The following ATP9B variants were observed in gnomAD, a reference collection of about 807,000 sequenced individuals.
ATP9B encodes the protein probable phospholipid-transporting ATPase IIB.
In ATP9B, 110 loss-of-function variants were observed where a neutral mutation model predicts 146.1. That is an observed-to-expected ratio of 0.75 (90% CI 0.65 to 0.88). The LOEUF is 0.88. Ranked by LOEUF, ATP9B falls within the 40% of genes least tolerant of loss-of-function variation. The pLI, the probability that ATP9B is intolerant of heterozygous loss-of-function variation, is 0.00. For synonymous variants in ATP9B, 604 were observed against 569.7 expected (o/e 1.06, Z -0.86); for missense variants, 1,499 against 1,496.4 (o/e 1.00, Z -0.03).
At chr18:79,332,910 T>G (rs1240587614) in intron 17 of ATP9B, 1 of 152,176 alleles carries the variant, frequency 6.6e-6, no homozygotes, top group Non-Finnish European at 1.5e-5. Flanking sequence ...GACCCACGCC[T>G]CTCCTCCAGC....
chr18:79,253,818 A>T, intron 12 of ATP9B: 1 of 290,010 alleles, frequency 3.4e-6, no homozygotes, highest in Non-Finnish European at 6.3e-6. Flanking sequence ...GATGAAACAT[A>T]AACCAGAATT....
chr18:79,093,203 A>T (rs1056341389), intron 1 of ATP9B, among the ~76,000 whole-genome samples: 7 of 151,610 alleles, frequency 4.6e-5, no homozygotes, highest in African/African-American at 1.7e-4. Context: ...TTATTTTTCC[A>T]TTTTTTTTAC....
At chr18:79,077,944 G>T (rs2072816377) in intron 1 of ATP9B, 3 of 152,160 alleles carry the variant, frequency 2.0e-5, no homozygotes, top group Admixed American at 1.3e-4. Context: ...ATAAAAGCCG[G>T]TTCGATCTTT....
intron 5 of ATP9B, among the ~76,000 whole-genome samples, chr18:79,129,004 C>T (rs984671938): frequency 1.3e-5 from 2 of 152,188 alleles, no homozygotes; most frequent in African/African-American, 4.8e-5. Context: ...TCCCAGTTTG[C>T]AGCTTATTCC....
chr18:79,157,211 C>T (rs1280771003), intron 7 of ATP9B, among the ~76,000 whole-genome samples: 4 of 61,528 alleles, frequency 6.5e-5, no homozygotes, highest in Non-Finnish European at 1.5e-4. Flanking sequence ...AAAAAATACA[C>T]ACACACACAC....
At chr18:79,335,636 G>C (rs887171669) in intron 17 of ATP9B, among the ~76,000 whole-genome samples, 4 of 152,178 alleles carry the variant, frequency 2.6e-5, no homozygotes, top group African/African-American at 9.7e-5. Context: ...TTGGGATCTG[G>C]CCGTGTCCCC....
intron 2 of ATP9B, among the ~76,000 whole-genome samples, chr18:79,105,612 A>G (rs938032050): frequency 5.9e-5 from 9 of 152,198 alleles, no homozygotes; most frequent in African/African-American, 1.4e-4. Context: ...GTGAGTGAAT[A>G]CACCTTTCTG....
At chr18:79,290,402 G>A (rs988054545) in intron 13 of ATP9B, among the ~76,000 whole-genome samples, 1 of 152,210 alleles carries the variant, frequency 6.6e-6, no homozygotes, top group Non-Finnish European at 1.5e-5. Context: ...GACTCTGTGG[G>A]GTAGGACCCT....
intron 12 of ATP9B, among the ~76,000 whole-genome samples, chr18:79,257,556 C>T (rs2096095238): frequency 6.6e-6 from 1 of 152,208 alleles, no homozygotes; most frequent in African/African-American, 2.4e-5. Context: ...GTGGGGCTTC[C>T]CTGGCCTGGT....
At chr18:79,270,417 TAA>T (rs1248738313) in intron 12 of ATP9B, among the ~76,000 whole-genome samples, 1 of 152,176 alleles carries the variant, frequency 6.6e-6, no homozygotes. Flanking sequence ...AAAACTCTCT[TAA>T]AATTTGCCAC....
In ATP9B at chr18:79,337,418, C is replaced by A. The variant is rs778185940; in HGVS notation, c.2252C>A (p.Thr751Lys). ...CAGCTGCAGGCAGACGTGCGGCCCA[C>A]GCTGGAGATGCTGCGCAACGCCGGG... is the stretch of plus-strand genomic sequence containing the variant. ...EDQLQADVRP[T>K]LEMLRNAGIK... The change falls in exon 19 of 30, where the codon ACG becomes AAG. Residue 751 changes from threonine to lysine, a missense_variant. Transcript: ENST00000426216. 1 of 1,613,092 alleles carries A rather than the reference C, an allele frequency of 6.2e-7. No individual in the cohort carries two copies. Among genetic ancestry groups the A allele is most frequent in the Non-Finnish European group, 8.5e-7 (1 of 1,179,968 alleles).
chr18:79,283,734 C>G (rs914361475), intron 13 of ATP9B, among the ~76,000 whole-genome samples: 11 of 152,206 alleles, frequency 7.2e-5, no homozygotes, highest in Admixed American at 3.3e-4. Flanking sequence ...CATATTGACA[C>G]TGACCAGAAA....
intron 15 of ATP9B, among the ~76,000 whole-genome samples, chr18:79,324,758 A>G (rs1424546686): frequency 6.6e-6 from 1 of 152,274 alleles, no homozygotes; most frequent in Non-Finnish European, 1.5e-5. Context: ...ATAGAAAAAT[A>G]GTAATTCTAT....
chr18:79,124,299 G>A (rs190215194), intron 4 of ATP9B, among the ~76,000 whole-genome samples: 64 of 152,294 alleles, frequency 4.2e-4, no homozygotes, highest in African/African-American at 1.3e-3. Flanking sequence ...ACTAAAAAAC[G>A]AATTGTATAC....
chr18:79,183,548 T>A (rs568868702), intron 8 of ATP9B, among the ~76,000 whole-genome samples: 3 of 152,286 alleles, frequency 2.0e-5, no homozygotes, highest in African/African-American at 7.2e-5. Flanking sequence ...AATAATTTTT[T>A]ATTTTCCAAT....
chr18:79,372,420 C>A (rs1009110213), intron 26 of ATP9B: 14 of 360,538 alleles, frequency 3.9e-5, no homozygotes, highest in Non-Finnish European at 3.3e-5. Flanking sequence ...CGTTCTGTAT[C>A]TTTTGATCTG....
intron 5 of ATP9B, among the ~76,000 whole-genome samples, chr18:79,138,558 C>T (rs2094474323): frequency 6.6e-6 from 1 of 152,158 alleles, no homozygotes. Flanking sequence ...AGTCTACCTG[C>T]TTTTGCAGTT....
chr18:79,252,184 G>A (rs771368527), intron 11 of ATP9B, among the ~76,000 whole-genome samples: 8 of 152,334 alleles, frequency 5.3e-5, no homozygotes, highest in East Asian at 1.9e-4. Flanking sequence ...CATGGGGGGC[G>A]TACTGCCCAG....
intron 25 of ATP9B, among the ~76,000 whole-genome samples, chr18:79,349,574 C>T (rs934998736): frequency 2.0e-5 from 3 of 152,196 alleles, no homozygotes; most frequent in Admixed American, 1.3e-4. Context: ...CCGTTTCACT[C>T]GACAGCTCCC....
Sources: allele counts gnomAD v4.1 joint callset (sites outside exome capture counted in the v4.1 genomes callset), GRCh38; gene constraint gnomAD v4.1.1; transcripts MANE v1.5; gene names NCBI Gene and HGNC (gene_info 2026-07-23, HGNC 2026-07-21).